The following SI variants were observed in gnomAD, a reference collection of about 807,000 sequenced individuals.
The protein encoded by SI is sucrase-isomaltase, also known as sucrase-isomaltase, intestinal.
A neutral mutation model predicts 253.3 loss-of-function variants in SI; 235 were observed. That is an observed-to-expected ratio of 0.93 (90% CI 0.83 to 1.03). The LOEUF is 1.03. Among genes scored for constraint, SI ranks in the 50% least tolerant of loss-of-function variants. SI has a pLI of 0.00. For missense variants in SI, 2,442 were observed against 2,211.1 expected, an observed-to-expected ratio of 1.10 and a Z score of -2.09; for synonymous variants, 819 against 712.0, an observed-to-expected ratio of 1.15 and a Z score of -2.39.
At chr3:164,989,157 C>G (rs778624519) in intron 44 of SI, among the ~76,000 whole-genome samples, 2 of 149,076 alleles carry the variant, frequency 1.3e-5, no homozygotes, top group Non-Finnish European at 3.0e-5. Context: ...ACCAGCCTGG[C>G]CAACATGATG....
chr3:165,037,882 A>G lies in SI; in HGVS notation c.2426+18T>C. On this transcript the variant is annotated intron_variant, in intron 21 of 47. Coordinates refer to ENST00000264382, the MANE Select transcript of SI (RefSeq NM_001041.4). ...TTGAATTTTATTTTAGATTTCAACT[A>G]ATGATTTTTCATTTTACCTTGCTGT... The G allele has an allele frequency of 6.6e-7, 1 of 1,520,718 alleles. No homozygotes were observed. Among genetic ancestry groups the G allele is most frequent in the Non-Finnish European group, 9.1e-7 (1 of 1,100,040 alleles). The allele number at this position is 1,520,718 out of a possible 1,614,324, so 94.2% of individuals were successfully genotyped here.
At chr3:165,075,861 G>T (rs748749907) in intron 2 of SI, 34 bp downstream of exon 2, 5 of 1,255,104 alleles carry the variant, frequency 4.0e-6, no homozygotes, top group Non-Finnish European at 5.8e-6. Flanking sequence ...CTAACTTCAC[G>T]ATAATGTAGC....
intron 12 of SI, among the ~76,000 whole-genome samples, chr3:165,057,094 A>C (rs1422602741): frequency 2.0e-5 from 3 of 151,960 alleles, no homozygotes; most frequent in African/African-American, 7.2e-5. Context: ...ATCCAGGATA[A>C]CGTGGAGGAG....
rs758872233 is a variant in SI at position 165,019,640 on chromosome 3, T to A, written c.3385A>T (p.Asn1129Tyr). The change falls in exon 28 of 48, where the codon AAT becomes TAT. Residue 1129 changes from asparagine (N) to tyrosine (Y), a missense_variant. Transcript: ENST00000264382. ...TCTCTTGTGAACATTCCCCAAGTAT[T>A]CCAGTTCAGATCTCGCTTAAATGCT... ...HTAFKRDLNW[N>Y]TWGMFTRDQP... 6.2e-7 allele frequency: 1 copy of A among 1,612,624 alleles called. No individual in the cohort carries two copies. Among genetic ancestry groups the A allele is most frequent in the Non-Finnish European group, 8.5e-7 (1 of 1,179,070 alleles).
chr3:165,043,296 A>G, intron 16 of SI, 121 bp from the exon 17 acceptor site: 1 of 685,532 alleles, frequency 1.5e-6, no homozygotes, highest in South Asian at 1.7e-5. Context: ...CTCCTTTTAT[A>G]TATGCTTCCT....
chr3:164,986,660 G>A (rs572296252), intron 45 of SI, among the ~76,000 whole-genome samples: 2 of 152,124 alleles, frequency 1.3e-5, no homozygotes, highest in Non-Finnish European at 2.9e-5. Context: ...ACATATGTTT[G>A]TTATGCTTTT....
chr3:165,076,023 A>G lies in SI; in HGVS notation c.1-11T>C. ...TTTCTTTCTTGCCATCTAAAAACAG[A>G]AAAGAATATATATTTAAAATGTAAA... On this transcript the variant is annotated splice_polypyrimidine_tract_variant and intron_variant, in intron 1 of 47. Transcript: ENST00000264382. The G allele has an allele frequency of 4.0e-6, 6 of 1,509,326 alleles. No individual in the cohort carries two copies. Among genetic ancestry groups the G allele is most frequent in the Non-Finnish European group, 5.5e-6 (6 of 1,093,258 alleles). The allele number at this position is 1,509,326 out of a possible 1,614,324, so 93.5% of individuals were successfully genotyped here.
intron 46 of SI, 24 bp from the exon 47 acceptor site, chr3:164,982,434 A>G (rs375250337): frequency 9.0e-6 from 14 of 1,551,104 alleles, no homozygotes; most frequent in Non-Finnish European, 1.2e-5. Flanking sequence ...AAAAGGAATA[A>G]CATAAACACT....
chr3:165,088,695 C>T, the SI span, among the ~76,000 whole-genome samples: 1 of 151,378 alleles, frequency 6.6e-6, no homozygotes, highest in Admixed American at 6.6e-5. Context: ...CAACATGGGT[C>T]AAATTGCTGG....
chr3:164,989,275 G>A lies in SI; in HGVS notation c.5109-2049C>T, dbSNP rs183515963. Among the ~76,000 whole-genome samples, 5 of 150,986 alleles carry A rather than the reference G, an allele frequency of 3.3e-5. No homozygotes were observed. The East Asian group carries it at 9.8e-4, about 30-fold the overall frequency. On this transcript the variant is annotated intron_variant, in intron 44 of 47. Coordinates refer to ENST00000264382, the MANE Select transcript of SI (RefSeq NM_001041.4). ...CAGGGGAATCGCTGGAACCCAGGAG[G>A]TGGAGGTTGCAGTGAGCCAAGGCAG... is the stretch of plus-strand genomic sequence containing the variant.
intron 44 of SI, among the ~76,000 whole-genome samples, chr3:164,989,632 A>C (rs746534485): frequency 5.9e-5 from 9 of 152,106 alleles, no homozygotes; most frequent in Non-Finnish European, 1.2e-4. Flanking sequence ...ATATCACAAG[A>C]CAGATGAAGA....
At chr3:164,988,684 C>A (rs1258188771) in intron 44 of SI, among the ~76,000 whole-genome samples, 2 of 151,956 alleles carry the variant, frequency 1.3e-5, no homozygotes, top group Non-Finnish European at 2.9e-5. Flanking sequence ...GATGATATAG[C>A]ATAAAAAGAG....
At chr3:165,044,977 A>G (rs889717858) in intron 16 of SI, among the ~76,000 whole-genome samples, 30 of 152,034 alleles carry the variant, frequency 2.0e-4, no homozygotes, top group Admixed American at 2.0e-3. Context: ...TACTGAGTCA[A>G]TAGTCCATAT....
At chr3:164,995,954 T>C (rs1717989786) in intron 40 of SI, among the ~76,000 whole-genome samples, 1 of 151,820 alleles carries the variant, frequency 6.6e-6, no homozygotes, top group Admixed American at 6.6e-5. Context: ...ACTTTCCCAA[T>C]ATTACAGCTT....
In SI at chr3:165,030,776, C is replaced by A; in HGVS notation, c.2828G>T (p.Cys943Phe). ...QIFSENERFN[C>F]YPDADLATEQ... ...AGTTGCCAAATCTGCATCTGGATAA[C>A]AATTAAATCTTTCATTTTCTGAGAA... Residue 943 changes from cysteine to phenylalanine, a missense_variant, in exon 25 of 48, where the codon TGT (cysteine) becomes TTT (phenylalanine). By Grantham distance (205) the Cys-to-Phe change is radical. Transcript: ENST00000264382. The A allele has an allele frequency of 6.3e-7, 1 of 1,594,306 alleles. No homozygotes were observed. Among genetic ancestry groups the A allele is most frequent in the Admixed American group, 1.7e-5 (1 of 58,358 alleles).
the SI span, among the ~76,000 whole-genome samples, chr3:165,089,194 A>T: frequency 1.2e-3 from 181 of 152,100 alleles, 1 homozygote; most frequent in African/African-American, 4.1e-3. Context: ...CAAAAGAAAA[A>T]CAGAGATGTC....
chr3:165,019,749 T>C lies in SI; in HGVS notation c.3276A>G (p.Gly1092=), dbSNP rs1485432705. 6 of 1,612,180 alleles carry C rather than the reference T, an allele frequency of 3.7e-6. No homozygotes were observed. In the African/African-American group the frequency reaches 4.0e-5, roughly 11 times the overall value. ...GRVIWDSWLP[G]FAFNDQFIQI... ...GAATGAACTGGTCATTAAAAGCAAA[T>C]CCAGGCAGCCAAGAATCCCAACTGA... The change falls in exon 28 of 48, where the codon GGA becomes GGG. Residue 1092 remains glycine, a synonymous_variant. Coordinates refer to ENST00000264382, the MANE Select transcript of SI (RefSeq NM_001041.4).
At chr3:165,076,213 T>C (rs1714963274) in intron 1 of SI, among the ~76,000 whole-genome samples, 1 of 151,810 alleles carries the variant, frequency 6.6e-6, no homozygotes, top group African/African-American at 2.4e-5. Flanking sequence ...CTTATACTGA[T>C]ATAAAATGTA....
intron 12 of SI, among the ~76,000 whole-genome samples, chr3:165,056,154 C>T (rs12494492): frequency 0.58 from 88,790 of 152,024 alleles, 26,311 homozygotes; most frequent in East Asian, 0.81. Context: ...CATTTCAAAT[C>T]GGCTGTCTGA....
Sources: gnomAD v4.1 joint callset for allele counts (sites outside exome capture counted in the v4.1 genomes callset) on GRCh38, gnomAD v4.1.1 for gene constraint, MANE v1.5 for transcripts, NCBI Gene and HGNC (gene_info 2026-07-23, HGNC 2026-07-21) for gene names.